Variants in RBFOX1 observed in about 807,000 individuals in gnomAD.
RBFOX1 encodes the protein RNA binding protein fox-1 homolog 1.
A neutral mutation model predicts 57.7 loss-of-function variants in RBFOX1; 8 were observed. That is an observed-to-expected ratio of 0.14 (90% CI 0.08 to 0.25). RBFOX1 has a LOEUF of 0.25. Among genes scored for constraint, RBFOX1 ranks in the 10% least tolerant of loss-of-function variants. RBFOX1 has a pLI of 1.00. For synonymous variants in RBFOX1, 326 were observed against 222.4 expected (o/e 1.47, Z -4.15); for missense variants, 611 against 548.5 (o/e 1.11, Z -1.14).
intron 5 of RBFOX1, 34 bp from the exon 6 acceptor site, chr16:7,579,743 T>C: frequency 1.2e-6 from 2 of 1,613,758 alleles, no homozygotes; most frequent in African/African-American, 1.3e-5. Context: ...TGTGGTCCAC[T>C]GAGAACCTCT....
At chr16:5,393,179 G>T (rs1236250437) in intron 1 of RBFOX1, among the ~76,000 whole-genome samples, 1 of 152,108 alleles carries the variant, frequency 6.6e-6, no homozygotes, top group Non-Finnish European at 1.5e-5. Context: ...TTCTCTGATG[G>T]CTGTGAGTGC....
chr16:6,105,685 A>T (rs183332414), intron 1 of RBFOX1, among the ~76,000 whole-genome samples: 3,618 of 142,962 alleles, frequency 0.025, 134 homozygotes, highest in African/African-American at 0.088. Context: ...GTAGAAAAAA[A>T]ATATATATAT....
At position 6,177,922 on chromosome 16, in the gene RBFOX1, T is replaced by TAAAAA. The variant is rs57642754; in HGVS notation, c.-126-139062_-126-139058dup. On this transcript the variant is annotated intron_variant, in intron 1 of 15. Coordinates refer to ENST00000550418, the MANE Select transcript of RBFOX1 (RefSeq NM_018723.4). Reference sequence around the variant, plus strand: ...ATAGCTCCTGCATTTTCAGTGGGGGTAAAAAAAAAAAAAAAGAGCCTTTTC... The same window carrying TAAAAA: ...ATAGCTCCTGCATTTTCAGTGGGGGTAAAAAAAAAAAAAAAAAAAAGAGCCTTTTC... Among the ~76,000 whole-genome samples the TAAAAA allele has an allele frequency of 2.5e-3, 357 of 140,006 alleles. 1 individual carries two copies. The highest frequency in any genetic ancestry group is 0.01 in the South Asian group (45 of 4,338). 91.8% of individuals were successfully genotyped at this position (140,006 alleles called of 152,430 possible). A position where few individuals can be genotyped will look rare whatever the true frequency, so the allele number is the denominator to read the frequency against.
intron 3 of RBFOX1, among the ~76,000 whole-genome samples, chr16:5,780,430 G>A (rs543645944): frequency 2.0e-5 from 3 of 152,032 alleles, no homozygotes; most frequent in Admixed American, 1.3e-4. Flanking sequence ...TTATTATGTG[G>A]TTGGCATGTA....
At chr16:7,144,522 T>G (rs573915188) in intron 4 of RBFOX1, among the ~76,000 whole-genome samples, 4 of 141,280 alleles carry the variant, frequency 2.8e-5, no homozygotes, top group African/African-American at 1.0e-4. Context: ...CGTCCCAGGC[T>G]CAAGCGATGT....
intron 1 of RBFOX1, among the ~76,000 whole-genome samples, chr16:5,257,540 C>A (rs1191340433): frequency 6.6e-6 from 1 of 152,188 alleles, no homozygotes; most frequent in Non-Finnish European, 1.5e-5. Flanking sequence ...CAGTAGGGGC[C>A]TGCGTTTGCA....
At chr16:6,204,288 A>T (rs1800063092) in intron 1 of RBFOX1, among the ~76,000 whole-genome samples, 2 of 152,086 alleles carry the variant, frequency 1.3e-5, no homozygotes, top group African/African-American at 2.4e-5. Flanking sequence ...TTGGACATGG[A>T]TTGGTAATTT....
intron 4 of RBFOX1, among the ~76,000 whole-genome samples, chr16:7,416,664 C>A (rs573110323): frequency 6.6e-6 from 1 of 152,172 alleles, no homozygotes; most frequent in Non-Finnish European, 1.5e-5. Flanking sequence ...ACCCCAGTGG[C>A]AATGGATACC....
intron 3 of RBFOX1, among the ~76,000 whole-genome samples, chr16:6,678,635 C>G (rs1311693545): frequency 6.6e-6 from 1 of 150,932 alleles, no homozygotes; most frequent in Non-Finnish European, 1.5e-5. Flanking sequence ...TTTTGCTTTA[C>G]CATATGTGGG....
chr16:7,040,915 T>C (rs1271210052), intron 3 of RBFOX1, among the ~76,000 whole-genome samples: 1 of 82,998 alleles, frequency 1.2e-5, no homozygotes, highest in Non-Finnish European at 2.1e-5. Flanking sequence ...TTTTTGTTTT[T>C]TTGTTTTTTT....
At chr16:5,864,547 GTT>G (rs57100340) in intron 3 of RBFOX1, among the ~76,000 whole-genome samples, 1 of 145,232 alleles carries the variant, frequency 6.9e-6, no homozygotes, top group Non-Finnish European at 1.5e-5. Context: ...ACATACTTGA[GTT>G]TTTTTTTTTT....
intron 2 of RBFOX1, among the ~76,000 whole-genome samples, chr16:6,642,275 A>G (rs753923202): frequency 4.6e-5 from 7 of 152,190 alleles, no homozygotes; most frequent in Non-Finnish European, 8.8e-5. Flanking sequence ...GCTGAGCGAA[A>G]ATTATTCACC....
chr16:7,007,111 A>T (rs920986350), intron 3 of RBFOX1, among the ~76,000 whole-genome samples: 1 of 152,206 alleles, frequency 6.6e-6, no homozygotes, highest in Non-Finnish European at 1.5e-5. Flanking sequence ...GTATGGACTG[A>T]TAAGGAGGCT....
In RBFOX1 at chr16:6,123,555, G is replaced by A. The variant is rs558541188; in HGVS notation, c.-127+103563G>A. Among the ~76,000 whole-genome samples, 17 of 152,292 alleles carry A rather than the reference G, an allele frequency of 1.1e-4. No individual in the cohort carries two copies. In the South Asian group the frequency reaches 3.5e-3, roughly 32 times the overall value. On this transcript the variant is annotated intron_variant, in intron 1 of 15. Transcript: ENST00000550418. ...ATTCAGAGTCTCAGTATGGGAAGAT[G>A]ATAAAATTATGGAAAAGGGTAGCAG... is the stretch of plus-strand genomic sequence containing the variant.
At chr16:6,086,682 T>C (rs2096089912) in intron 1 of RBFOX1, among the ~76,000 whole-genome samples, 1 of 152,182 alleles carries the variant, frequency 6.6e-6, no homozygotes, top group South Asian at 2.1e-4. Context: ...CAATAAAAGA[T>C]GGAGTTTTGA....
At chr16:7,491,079 C>T (rs147054902) in intron 4 of RBFOX1, among the ~76,000 whole-genome samples, 41 of 152,220 alleles carry the variant, frequency 2.7e-4, no homozygotes, top group Middle Eastern at 3.4e-3. Context: ...CACTTCTTAC[C>T]GTACCTGCAC....
At chr16:6,463,688 C>G (rs906718741) in intron 2 of RBFOX1, among the ~76,000 whole-genome samples, 3 of 152,160 alleles carry the variant, frequency 2.0e-5, no homozygotes, top group Non-Finnish European at 4.4e-5. Flanking sequence ...TCATTTAGCT[C>G]TCTTACAGCC....
At chr16:6,822,373 G>C (rs566150782) in intron 3 of RBFOX1, among the ~76,000 whole-genome samples, 1 of 152,294 alleles carries the variant, frequency 6.6e-6, no homozygotes, top group African/African-American at 2.4e-5. Flanking sequence ...TCACTTGCAA[G>C]AATTTGGCTG....
intron 3 of RBFOX1, among the ~76,000 whole-genome samples, chr16:5,856,075 G>A (rs1597504966): frequency 1.7e-5 from 2 of 115,234 alleles, no homozygotes; most frequent in Middle Eastern, 6.2e-3. Context: ...ACTGATTTTT[G>A]TATGTGGATT....
Sources: gnomAD v4.1 joint callset for allele counts (sites outside exome capture counted in the v4.1 genomes callset) on GRCh38, gnomAD v4.1.1 for gene constraint, MANE v1.5 for transcripts, NCBI Gene and HGNC (gene_info 2026-07-23, HGNC 2026-07-21) for gene names.